Variants in SMS observed in about 807,000 individuals in gnomAD.
SMS encodes the protein spermidine aminopropyltransferase.
A neutral mutation model predicts 33.0 loss-of-function variants in SMS; 3 were observed. The observed-to-expected ratio is 0.09, with a 90% CI of 0.04 to 0.23. SMS has a LOEUF of 0.23. Ranked by LOEUF, SMS falls within the 10% of genes least tolerant of loss-of-function variation. The pLI is 1.00. For missense variants in SMS, 117 were observed against 288.6 expected (o/e 0.41, Z 4.31); for synonymous variants, 103 against 112.2 (o/e 0.92, Z 0.52).
intron 1 of SMS, among the ~76,000 whole-genome samples, chrX:21,956,490 A>G (rs1177460342): frequency 9.4e-6 from 1 of 106,771 alleles, no homozygotes; most frequent in African/African-American, 3.5e-5. Context: ...ATTTTTTGAG[A>G]TGGAGTCTTG....
intron 4 of SMS, among the ~76,000 whole-genome samples, chrX:21,976,764 C>T (rs1325791771): frequency 8.9e-6 from 1 of 111,893 alleles, no homozygotes; most frequent in Non-Finnish European, 1.9e-5. Context: ...TCTTAAGAGA[C>T]AGATGCTGCT....
chrX:21,987,276 C>T (rs1925414363), intron 9 of SMS, among the ~76,000 whole-genome samples: 1 of 112,185 alleles, frequency 8.9e-6, no homozygotes, highest in Admixed American at 9.4e-5. Flanking sequence ...GGATTACAGG[C>T]GCGAGCCACT....
chrX:21,985,083 T>C, intron 8 of SMS, 61 bp from the exon 9 acceptor site: 1 of 724,976 alleles, frequency 1.4e-6, no homozygotes, highest in Non-Finnish European at 2.2e-6. Flanking sequence ...AATATTTTAC[T>C]TCAGATGTTG....
intron 7 of SMS, among the ~76,000 whole-genome samples, chrX:21,983,419 G>A (rs1341958278): frequency 9.2e-6 from 1 of 108,682 alleles, no homozygotes; most frequent in Non-Finnish European, 1.9e-5. Flanking sequence ...TTTTGAATTA[G>A]AAAACTAAAA....
chrX:21,962,374 C>T (rs780242781), intron 1 of SMS, among the ~76,000 whole-genome samples: 1 of 112,302 alleles, frequency 8.9e-6, no homozygotes, highest in Non-Finnish European at 1.9e-5. Context: ...TGACAGGTTA[C>T]CCATGGCTTC....
intron 2 of SMS, among the ~76,000 whole-genome samples, chrX:21,967,532 T>C (rs1923823848): frequency 9.0e-6 from 1 of 111,510 alleles, no homozygotes; most frequent in African/African-American, 3.3e-5. Flanking sequence ...TATATAGAGA[T>C]TGACAGGAGG....
chrX:21,946,008 A>AT (rs1040974658), intron 1 of SMS, among the ~76,000 whole-genome samples: 4 of 112,451 alleles, frequency 3.6e-5, no homozygotes, highest in Non-Finnish European at 7.5e-5. Context: ...CAAAATTGAT[A>AT]TTTAACAAAT....
rs751807035 is a variant in SMS at position 21,977,239 on chromosome X, A to G, written c.505+3A>G. ...TCTCATCCTTAGTGGGGATGTTAGTAAGTATTCCATCCCTGCCCCGATCAC... is the reference window on the plus strand; with the variant it reads ...TCTCATCCTTAGTGGGGATGTTAGTGAGTATTCCATCCCTGCCCCGATCAC... On this transcript the variant is annotated splice_donor_region_variant and intron_variant, in intron 5 of 10. Transcript: ENST00000404933. The G allele has an allele frequency of 1.8e-5, 21 of 1,190,050 alleles. No homozygotes were observed. In the African/African-American group the frequency reaches 3.7e-4, roughly 21 times the overall value.
At chrX:21,945,299 G>A (rs1482838660) in intron 1 of SMS, among the ~76,000 whole-genome samples, 3 of 112,002 alleles carry the variant, frequency 2.7e-5, no homozygotes, top group Admixed American at 9.4e-5. Context: ...GTAGAATTAT[G>A]AGGATGGTCC....
intron 2 of SMS, among the ~76,000 whole-genome samples, chrX:21,970,191 C>T (rs1200778558): frequency 8.9e-6 from 1 of 112,146 alleles, no homozygotes; most frequent in Non-Finnish European, 1.9e-5. Context: ...AGGTGCCTGT[C>T]CTGAAACCTC....
intron 7 of SMS, among the ~76,000 whole-genome samples, chrX:21,982,759 C>G (rs1401184292): frequency 8.9e-6 from 1 of 112,463 alleles, no homozygotes; most frequent in South Asian, 3.6e-4. Flanking sequence ...CAAAAGAGAA[C>G]ATACATTTGT....
chrX:21,970,180 G>A (rs1314478824), intron 2 of SMS, among the ~76,000 whole-genome samples: 2 of 111,956 alleles, frequency 1.8e-5, no homozygotes, highest in Non-Finnish European at 3.8e-5. Flanking sequence ...TACCCACCCC[G>A]AGGTGCCTGT....
chrX:21,972,940 A>AAT (rs1924281607), intron 4 of SMS, among the ~76,000 whole-genome samples: 1 of 104,766 alleles, frequency 9.5e-6, no homozygotes, highest in Non-Finnish European at 1.9e-5. Flanking sequence ...AAAAAAAAAA[A>AAT]TTCAGAATGG....
At chrX:21,950,399 T>A (rs1922520039) in intron 1 of SMS, among the ~76,000 whole-genome samples, 2 of 106,300 alleles carry the variant, frequency 1.9e-5, no homozygotes, top group South Asian at 8.6e-4. Context: ...TACTATTAAC[T>A]CCCTTTGGTA....
chrX:21,993,525 G>A (rs950280047), intron 10 of SMS, among the ~76,000 whole-genome samples: 6 of 112,477 alleles, frequency 5.3e-5, no homozygotes, highest in Admixed American at 9.4e-5. Flanking sequence ...TGTCAAGGGA[G>A]CAACTGCTGC....
At chrX:21,976,758 A>G (rs1262645128) in intron 4 of SMS, among the ~76,000 whole-genome samples, 1 of 112,088 alleles carries the variant, frequency 8.9e-6, no homozygotes, top group Non-Finnish European at 1.9e-5. Context: ...AGATAGTCTT[A>G]AGAGACAGAT....
intron 1 of SMS, among the ~76,000 whole-genome samples, chrX:21,947,787 G>A (rs768898776): frequency 3.6e-5 from 4 of 111,424 alleles, no homozygotes; most frequent in South Asian, 7.5e-4. Context: ...ATTTCTACCC[G>A]GTTTTTCCTC....
chrX:21,994,705 CGTT>C lies in SMS; in HGVS notation c.*358_*360del, dbSNP rs1220409537. 3 of 787,501 alleles carry C rather than the reference CGTT, an allele frequency of 3.8e-6. No individual in the cohort carries two copies. Among genetic ancestry groups the C allele is most frequent in the African/African-American group, 4.6e-5 (2 of 43,768 alleles). 64.9% of individuals were successfully genotyped at this position (787,501 alleles called of 1,213,427 possible). The stretch of plus-strand genomic sequence containing the variant: ...TTTGGATATTTGGAGGAGTGAACAT[CGTT>C]GTTTTGCTGGAGGGAAGATCTTGAT... On this transcript the variant is annotated 3_prime_UTR_variant, in exon 11 of 11. Coordinates refer to ENST00000404933, the MANE Select transcript of SMS (RefSeq NM_004595.5).
In SMS at chrX:21,984,593, A is replaced by G. The variant is rs2239674; in HGVS notation, c.865+175A>G. Among the ~76,000 whole-genome samples, 23,436 of 111,280 alleles carry G rather than the reference A, an allele frequency of 0.21. 2,199 individuals are homozygous for G. Among genetic ancestry groups the G allele is most frequent in the African/African-American group, 0.35 (10,765 of 30,533 alleles). ...GCTTCAATTCCTGTTCTGCCACTCA[A>G]TGAGTGAACTAATTCAGTCATTTGA... On this transcript the variant is annotated intron_variant, in intron 8 of 10. Coordinates refer to ENST00000404933, the MANE Select transcript of SMS (RefSeq NM_004595.5).
Sources: gnomAD v4.1 joint callset for allele counts (sites outside exome capture counted in the v4.1 genomes callset) on GRCh38, gnomAD v4.1.1 for gene constraint, MANE v1.5 for transcripts, NCBI Gene and HGNC (gene_info 2026-07-23, HGNC 2026-07-21) for gene names.